TGFBR3: variants seen among roughly 807,000 people sequenced by gnomAD.
TGFBR3 encodes transforming growth factor beta receptor 3, also known as transforming growth factor beta receptor type 3.
Under a neutral mutation model 87.9 loss-of-function variants are expected in TGFBR3, and 46 were observed. That is an observed-to-expected ratio of 0.52 (90% CI 0.41 to 0.67). TGFBR3 has a LOEUF of 0.67. Among genes scored for constraint, TGFBR3 ranks in the 30% least tolerant of loss-of-function variants. The probability of loss-of-function intolerance (pLI) is 0.00; values close to 1 mark genes in which losing one functional copy is unlikely to be tolerated. For missense variants in TGFBR3, 866 were observed against 1,041.9 expected (o/e 0.83, Z 2.32); for synonymous variants, 381 against 391.6 (o/e 0.97, Z 0.32).
chr1:91,704,486 G>A (rs2100740252), intron 14 of TGFBR3, among the ~76,000 whole-genome samples: 1 of 152,248 alleles, frequency 6.6e-6, no homozygotes, highest in South Asian at 2.1e-4. Flanking sequence ...ACAGGCTCTG[G>A]AATCACAGTG....
chr1:91,863,317 C>T (rs770410145), intron 1 of TGFBR3, among the ~76,000 whole-genome samples: 13 of 152,146 alleles, frequency 8.5e-5, no homozygotes, highest in Non-Finnish European at 1.9e-4. Flanking sequence ...GAATAGCATA[C>T]GGATTATGAT....
chr1:91,826,404 T>C (rs902804024), intron 2 of TGFBR3, among the ~76,000 whole-genome samples: 6 of 152,186 alleles, frequency 3.9e-5, no homozygotes, highest in South Asian at 2.1e-4. Flanking sequence ...GTGAGTGGTG[T>C]GACTGATTCT....
intron 4 of TGFBR3, among the ~76,000 whole-genome samples, chr1:91,740,213 C>T (rs1377606564): frequency 1.3e-5 from 2 of 149,228 alleles, no homozygotes; most frequent in Admixed American, 6.7e-5. Context: ...GCGTGTGCCA[C>T]CACATCCGGC....
Position 91,738,413 on chromosome 1 carries a change from C to A in TGFBR3, c.385-3454G>T, listed in dbSNP as rs570258219. Among the ~76,000 whole-genome samples the A allele has an allele frequency of 1.2e-4, 18 of 152,212 alleles. 1 individual carries two copies. In the South Asian group the frequency reaches 3.5e-3, roughly 30 times the overall value. On this transcript the variant is annotated intron_variant, in intron 4 of 16. Transcript: ENST00000212355. ...GGTGTTTGGATCATGGGGGCAGATC[C>A]CCCCATGAATGGCTTAGGCCATCCC...
chr1:91,882,136 AC>A (rs551065214), intron 1 of TGFBR3, among the ~76,000 whole-genome samples: 1,529 of 144,372 alleles, frequency 0.011, 26 homozygotes, highest in African/African-American at 0.035. Context: ...AAAATTGAAA[AC>A]CTTTTTTTTT....
At chr1:91,846,014 C>G (rs1233489233) in intron 2 of TGFBR3, among the ~76,000 whole-genome samples, 1 of 152,138 alleles carries the variant, frequency 6.6e-6, no homozygotes, top group Non-Finnish European at 1.5e-5. Flanking sequence ...TAAACAAAAC[C>G]TCTTGAAGAT....
rs921589760 is a variant in TGFBR3 at position 91,680,605 on chromosome 1, C to T, written c.*3134G>A. The T allele has an allele frequency of 1.1e-5, 5 of 453,884 alleles. No homozygotes were observed. Among genetic ancestry groups the T allele is most frequent in the African/African-American group, 6.0e-5 (3 of 49,954 alleles). The allele number at this position is 453,884 out of a possible 1,614,324, so 28.1% of individuals were successfully genotyped here. On this transcript the variant is annotated 3_prime_UTR_variant, in exon 17 of 17. Transcript: ENST00000212355. Reference sequence around the variant, plus strand: ...ATTGTATTTGGAAACTGATAATAGTCCTTTTTAGAAAAACATCTGTCAGTT... The same window carrying T: ...ATTGTATTTGGAAACTGATAATAGTTCTTTTTAGAAAAACATCTGTCAGTT...
upstream of TGFBR3, among the ~76,000 whole-genome samples, chr1:91,887,036 C>T (rs962242771): frequency 6.6e-6 from 1 of 152,032 alleles, no homozygotes; most frequent in East Asian, 1.9e-4. Flanking sequence ...AAAAAGTATA[C>T]TTAAGTAACA....
intron 7 of TGFBR3, among the ~76,000 whole-genome samples, chr1:91,726,069 G>A (rs1024634628): frequency 4.6e-5 from 7 of 152,138 alleles, no homozygotes; most frequent in Non-Finnish European, 1.0e-4. Context: ...TGGAACAAGC[G>A]TACAGCCAAG....
Position 91,681,738 on chromosome 1 carries a change from C to A in TGFBR3, c.*2001G>T. Reference sequence around the variant, plus strand: ...ACACAAATTTTGTAGTAAAATATAGCTATAAGTGACTTAAAGACTCTAGTC... The same window carrying A: ...ACACAAATTTTGTAGTAAAATATAGATATAAGTGACTTAAAGACTCTAGTC... On this transcript the variant is annotated 3_prime_UTR_variant, in exon 17 of 17. Coordinates refer to ENST00000212355, the MANE Select transcript of TGFBR3 (RefSeq NM_003243.5). The A allele has an allele frequency of 2.3e-6, 1 of 439,052 alleles. No homozygotes were observed. The highest frequency in any genetic ancestry group is 4.5e-6 in the Non-Finnish European group (1 of 222,574). 27.2% of individuals were successfully genotyped at this position (439,052 alleles called of 1,614,324 possible). A position where few individuals can be genotyped will look rare whatever the true frequency, so the allele number is the denominator to read the frequency against.
intron 2 of TGFBR3, among the ~76,000 whole-genome samples, chr1:91,810,889 A>C (rs185213944): frequency 6.8e-4 from 103 of 152,374 alleles, no homozygotes; most frequent in Non-Finnish European, 1.2e-3. Context: ...AAAAAAATGC[A>C]AAAGAGAAAC....
At chr1:91,812,613 T>C (rs1048161957) in intron 2 of TGFBR3, among the ~76,000 whole-genome samples, 2 of 152,138 alleles carry the variant, frequency 1.3e-5, no homozygotes, top group South Asian at 4.1e-4. Context: ...GCTTTATAGT[T>C]TTTTCGGTTT....
intron 2 of TGFBR3, among the ~76,000 whole-genome samples, chr1:91,847,342 G>A (rs542459251): frequency 6.6e-6 from 1 of 152,212 alleles, no homozygotes; most frequent in Non-Finnish European, 1.5e-5. Context: ...GGTGGCTCAT[G>A]CCTGTAATCC....
chr1:91,718,530 C>A (rs1182695592), intron 10 of TGFBR3, among the ~76,000 whole-genome samples: 2 of 146,162 alleles, frequency 1.4e-5, no homozygotes, highest in East Asian at 2.2e-4. Flanking sequence ...TTATTTTTAC[C>A]ATTAAAAGTA....
intron 1 of TGFBR3, among the ~76,000 whole-genome samples, chr1:91,879,860 A>C (rs867591211): frequency 6.6e-6 from 1 of 152,214 alleles, no homozygotes; most frequent in South Asian, 2.1e-4. Flanking sequence ...TTATATTTCT[A>C]TATTTCCTGG....
rs934640306 is a variant in TGFBR3, at chr1:91,722,222, A to G, written c.886-78T>C. 2.4e-5 allele frequency: 28 copies of G among 1,150,482 alleles called. No individual in the cohort carries two copies. In the Admixed American group the frequency reaches 5.0e-4, roughly 20 times the overall value. 71.3% of individuals were successfully genotyped at this position (1,150,482 alleles called of 1,614,324 possible). A position where few individuals can be genotyped will look rare whatever the true frequency, so the allele number is the denominator to read the frequency against. ...AGATAATAAAAATTAAATATCTTAA[A>G]TAAGTAGATTCTATATTGTATATGA... On this transcript the variant is annotated intron_variant, in intron 7 of 16. Coordinates refer to ENST00000212355, the MANE Select transcript of TGFBR3 (RefSeq NM_003243.5).
At chr1:91,900,796 A>G (rs904462724) in intron 1 of TGFBR3, among the ~76,000 whole-genome samples, 7 of 152,266 alleles carry the variant, frequency 4.6e-5, no homozygotes, top group Non-Finnish European at 8.8e-5. Context: ...AAAGTATCAA[A>G]GACTAAAACT....
intron 1 of TGFBR3, among the ~76,000 whole-genome samples, chr1:91,877,672 A>G (rs1678857148): frequency 6.6e-6 from 1 of 152,226 alleles, no homozygotes; most frequent in African/African-American, 2.4e-5. Flanking sequence ...GTGAAATGCA[A>G]CAAGTAGGTC....
chr1:91,863,281 T>C (rs1678268410), intron 1 of TGFBR3, among the ~76,000 whole-genome samples: 1 of 152,242 alleles, frequency 6.6e-6, no homozygotes, highest in Non-Finnish European at 1.5e-5. Context: ...AATCTTGATA[T>C]ACGATAGTGA....
Sources: gnomAD v4.1 joint callset for allele counts (sites outside exome capture counted in the v4.1 genomes callset) on GRCh38, gnomAD v4.1.1 for gene constraint, MANE v1.5 for transcripts, NCBI Gene and HGNC (gene_info 2026-07-23, HGNC 2026-07-21) for gene names.